Variants in PCDH15 observed in about 807,000 individuals in gnomAD.
PCDH15 encodes the protein protocadherin related 15, also known as protocadherin-15.
Under a neutral mutation model 178.5 loss-of-function variants are expected in PCDH15, and 129 were observed. That is an observed-to-expected ratio of 0.72 (90% confidence interval 0.63 to 0.84). The LOEUF (loss-of-function observed/expected upper bound fraction) is 0.84. Among genes scored for constraint, PCDH15 ranks in the 40% least tolerant of loss-of-function variants. The pLI, the probability that PCDH15 is intolerant of heterozygous loss-of-function variation, is 0.00. For synonymous variants in PCDH15, 800 were observed against 732.0 expected (o/e 1.09, Z -1.50); for missense variants, 2,230 against 2,099.9 (o/e 1.06, Z -1.21).
intron 2 of PCDH15, among the ~76,000 whole-genome samples, chr10:55,147,061 T>A: frequency 6.6e-6 from 1 of 151,860 alleles, no homozygotes; most frequent in Middle Eastern, 3.4e-3. Flanking sequence ...GCAATTTATT[T>A]ATTAGCAGTT....
chr10:55,155,712 T>G (rs1187621651), intron 2 of PCDH15, among the ~76,000 whole-genome samples: 3 of 152,100 alleles, frequency 2.0e-5, no homozygotes, highest in African/African-American at 7.2e-5. Flanking sequence ...AGAGTTTGTC[T>G]ACATGAAACT....
intron 1 of PCDH15, among the ~76,000 whole-genome samples, chr10:54,726,424 G>A (rs1263745822): frequency 1.1e-5 from 1 of 94,358 alleles, no homozygotes; most frequent in Non-Finnish European, 2.1e-5. Context: ...TCAGGGGTGT[G>A]TGTGTGTGTG....
At chr10:55,255,236 AATG>A (rs67077549) in intron 1 of PCDH15, among the ~76,000 whole-genome samples, 125,593 of 149,214 alleles carry the variant, frequency 0.84, 53,429 homozygotes, top group East Asian at 0.96. Context: ...GTTTGCTGAG[AATG>A]ATGATTTCCA....
chr10:55,063,086 A>T (rs527842973), intron 2 of PCDH15, among the ~76,000 whole-genome samples: 3 of 152,250 alleles, frequency 2.0e-5, no homozygotes, highest in African/African-American at 7.2e-5. Flanking sequence ...TGTCCAAGGG[A>T]ACATTTGGTA....
At chr10:55,590,458 A>G (rs918933542) in intron 2 of PCDH15, among the ~76,000 whole-genome samples, 2 of 152,128 alleles carry the variant, frequency 1.3e-5, no homozygotes, top group Non-Finnish European at 2.9e-5. Flanking sequence ...AACTTAAAGT[A>G]TAATAGTAAT....
intron 3 of PCDH15, among the ~76,000 whole-genome samples, chr10:54,389,821 G>A (rs1363865307): frequency 1.3e-5 from 2 of 151,854 alleles, no homozygotes; most frequent in Non-Finnish European, 2.9e-5. Flanking sequence ...GCATGGTGGT[G>A]GGCGCCTGTA....
At chr10:55,432,868 C>T (rs1838921436) in intron 2 of PCDH15, among the ~76,000 whole-genome samples, 1 of 151,776 alleles carries the variant, frequency 6.6e-6, no homozygotes, top group African/African-American at 2.4e-5. Context: ...TCGTGATCCG[C>T]CCGCCTCGGC....
chr10:55,035,936 A>G (rs10825446), intron 2 of PCDH15, among the ~76,000 whole-genome samples: 86,648 of 151,982 alleles, frequency 0.57, 25,042 homozygotes, highest in East Asian at 0.75. Flanking sequence ...AAAATTATTC[A>G]TCACATTTAT....
Position 55,205,430 on chromosome 10 carries a change from A to G in PCDH15, c.-155-38779T>C, listed in dbSNP as rs187921279. Among the ~76,000 whole-genome samples the G allele has an allele frequency of 2.1e-3, 312 of 152,148 alleles. 2 individuals carry two copies. The highest frequency in any genetic ancestry group is 6.8e-3 in the Middle Eastern group (2 of 294). Reference sequence around the variant, plus strand: ...GACATATAATTATGTATTTTTACTGAGAATCTAATAGGAGATCTAATATAT... The same window carrying G: ...GACATATAATTATGTATTTTTACTGGGAATCTAATAGGAGATCTAATATAT... On this transcript the variant is annotated intron_variant, in intron 1 of 5. Coordinates refer to the PCDH15 transcript ENST00000458638.
chr10:55,343,647 A>C (rs988161392), intron 2 of PCDH15, among the ~76,000 whole-genome samples: 1 of 152,108 alleles, frequency 6.6e-6, no homozygotes, highest in Admixed American at 6.6e-5. Flanking sequence ...CACATGCCTA[A>C]GGTCTTGGGT....
At chr10:54,461,670 CT>C (rs2077173608) in intron 3 of PCDH15, among the ~76,000 whole-genome samples, 1 of 152,072 alleles carries the variant, frequency 6.6e-6, no homozygotes, top group South Asian at 2.1e-4. Context: ...CCTTGAGAAA[CT>C]TTTTTTCAAC....
chr10:54,876,892 C>T (rs1954154809), intron 3 of PCDH15, among the ~76,000 whole-genome samples: 1 of 152,140 alleles, frequency 6.6e-6, no homozygotes, highest in African/African-American at 2.4e-5. Flanking sequence ...AGAGGATTGA[C>T]TAATTTTGAA....
intron 2 of PCDH15, among the ~76,000 whole-genome samples, chr10:55,370,730 C>A (rs1845486813): frequency 2.0e-5 from 3 of 152,106 alleles, no homozygotes. Flanking sequence ...CTTTAAGCCA[C>A]AGTTGCTGAG....
intron 1 of PCDH15, among the ~76,000 whole-genome samples, chr10:54,696,897 C>T (rs1041557095): frequency 1.3e-5 from 2 of 151,934 alleles, no homozygotes; most frequent in Admixed American, 1.3e-4. Context: ...GTGTATTTTT[C>T]CCCAACATCT....
chr10:55,530,184 C>T (rs936404316), intron 2 of PCDH15, among the ~76,000 whole-genome samples: 4 of 151,662 alleles, frequency 2.6e-5, no homozygotes, highest in East Asian at 1.9e-4. Context: ...GTTTAACTGT[C>T]GTCGGCTTTT....
intron 2 of PCDH15, among the ~76,000 whole-genome samples, chr10:55,106,757 AC>A (rs748415394): frequency 6.6e-6 from 1 of 152,180 alleles, no homozygotes; most frequent in African/African-American, 2.4e-5. Flanking sequence ...AATTCTCCCA[AC>A]AAAAAAAGGG....
chr10:54,220,362 T>C lies in PCDH15; in HGVS notation c.986-6314A>G, dbSNP rs190224193. On this transcript the variant is annotated intron_variant, in intron 9 of 37. Coordinates refer to ENST00000644397, the MANE Select transcript of PCDH15 (RefSeq NM_001384140.1). ...CTCACAGAAGTTAAGTAAAATATTC[T>C]GAACTCTCACGGCTAGTAAATGACT... Among the ~76,000 whole-genome samples, 375 of 152,338 alleles carry C rather than the reference T, an allele frequency of 2.5e-3. 7 individuals carry two copies. The highest frequency in any genetic ancestry group is 2.6e-3 in the Non-Finnish European group (180 of 68,030).
intron 1 of PCDH15, among the ~76,000 whole-genome samples, chr10:54,731,282 G>A (rs144576823): frequency 4.6e-5 from 7 of 150,924 alleles, no homozygotes; most frequent in South Asian, 2.1e-4. Flanking sequence ...TGGCAAAGAC[G>A]TGAAGAAAGG....
At chr10:55,470,172 G>C (rs2132105855) in intron 2 of PCDH15, among the ~76,000 whole-genome samples, 1 of 152,076 alleles carries the variant, frequency 6.6e-6, no homozygotes, top group Admixed American at 6.6e-5. Context: ...CCAACATGGT[G>C]AAACACTGTC....
Sources: allele counts gnomAD v4.1 joint callset (sites outside exome capture counted in the v4.1 genomes callset), GRCh38; gene constraint gnomAD v4.1.1; transcripts MANE v1.5; gene names NCBI Gene and HGNC (gene_info 2026-07-23, HGNC 2026-07-21).